FOXP1: variants seen among roughly 807,000 people sequenced by gnomAD.
FOXP1 encodes the protein forkhead box P1, also known as forkhead box protein P1.
Under a neutral mutation model 98.2 loss-of-function variants are expected in FOXP1, and 15 were observed. The observed-to-expected ratio is 0.15, with a 90% CI of 0.10 to 0.24. The LOEUF (loss-of-function observed/expected upper bound fraction) is 0.24, where lower values mean the gene tolerates loss of function less well. Ranked by LOEUF, FOXP1 falls within the 10% of genes least tolerant of loss-of-function variation. The pLI is 1.00. For missense variants in FOXP1, 633 were observed against 848.5 expected (o/e 0.75, Z 3.15); for synonymous variants, 371 against 314.5 (o/e 1.18, Z -1.90).
chr3:70,965,824 C>T, intron 20 of FOXP1, 66 bp downstream of exon 20: 2 of 1,499,902 alleles, frequency 1.3e-6, no homozygotes, highest in Admixed American at 1.7e-5. Context: ...AAAGGGCTGT[C>T]TCCCTGCGTG....
intron 2 of FOXP1, among the ~76,000 whole-genome samples, chr3:71,556,816 G>A (rs979357238): frequency 4.6e-5 from 7 of 151,838 alleles, no homozygotes; most frequent in Non-Finnish European, 1.0e-4. Flanking sequence ...AATCATCAGA[G>A]ATGCTAATAA....
intron 7 of FOXP1, among the ~76,000 whole-genome samples, chr3:71,075,483 T>C (rs778378771): frequency 2.2e-4 from 34 of 152,230 alleles, no homozygotes; most frequent in Non-Finnish European, 4.7e-4. Context: ...CACTCCAAAA[T>C]TTAACTCAGC....
intron 3 of FOXP1, among the ~76,000 whole-genome samples, chr3:71,484,757 T>C (rs1392096699): frequency 2.0e-5 from 3 of 152,062 alleles, no homozygotes; most frequent in Admixed American, 1.3e-4. Flanking sequence ...TGTGTCTCAG[T>C]GTGGGCCCGA....
intron 7 of FOXP1, among the ~76,000 whole-genome samples, chr3:71,108,254 C>T (rs1339596309): frequency 1.3e-5 from 2 of 152,170 alleles, no homozygotes; most frequent in Non-Finnish European, 2.9e-5. Context: ...AGTTTATGTA[C>T]TCGTGCCAAC....
At chr3:71,264,981 G>A (rs775650895) in intron 5 of FOXP1, among the ~76,000 whole-genome samples, 21 of 152,162 alleles carry the variant, frequency 1.4e-4, no homozygotes, top group Admixed American at 3.3e-4. Context: ...GAAAGGTGCT[G>A]AGCTGGAATG....
At chr3:71,167,766 T>C (rs761228102) in intron 6 of FOXP1, among the ~76,000 whole-genome samples, 22 of 152,242 alleles carry the variant, frequency 1.4e-4, no homozygotes, top group Non-Finnish European at 3.1e-4. Flanking sequence ...AAATCTTTAA[T>C]GGGAGCCTCT....
At position 71,364,622 on chromosome 3, in the gene FOXP1, A is replaced by G. The variant is rs553806247; in HGVS notation, c.-167-5378T>C. Among the ~76,000 whole-genome samples the G allele has an allele frequency of 5.3e-5, 8 of 152,344 alleles. No individual in the cohort carries two copies. In the East Asian group the frequency reaches 1.5e-3, roughly 29 times the overall value. ...CAGTTTTGTCTGCTGCTATTATAAA[A>G]GAAAAAATCCTATCACATCCTTCAA... On this transcript the variant is annotated intron_variant, in intron 3 of 20. Coordinates refer to ENST00000649528, the MANE Select transcript of FOXP1 (RefSeq NM_001349338.3).
intron 4 of FOXP1, among the ~76,000 whole-genome samples, chr3:71,327,513 G>A (rs2075987836): frequency 6.8e-6 from 1 of 147,824 alleles, no homozygotes; most frequent in Admixed American, 6.8e-5. Flanking sequence ...TTAGCCTCCC[G>A]AGTAGCTGGG....
chr3:70,959,746 G>T (rs1367208273), intron 20 of FOXP1, among the ~76,000 whole-genome samples: 1 of 152,030 alleles, frequency 6.6e-6, no homozygotes, highest in African/African-American at 2.4e-5. Flanking sequence ...TCTCCTCCCT[G>T]GTGGCATTTC....
intron 5 of FOXP1, among the ~76,000 whole-genome samples, chr3:71,262,570 G>C (rs548102377): frequency 6.6e-6 from 1 of 152,108 alleles, no homozygotes; most frequent in Non-Finnish European, 1.5e-5. Flanking sequence ...ATTAATCACT[G>C]TCTCTTTTAA....
chr3:71,122,564 C>T (rs1267724095), intron 6 of FOXP1, among the ~76,000 whole-genome samples: 1 of 152,170 alleles, frequency 6.6e-6, no homozygotes, highest in African/African-American at 2.4e-5. Flanking sequence ...CATAACTTCC[C>T]TACATTTAAG....
chr3:70,978,519 T>C (rs2038089081), intron 14 of FOXP1, among the ~76,000 whole-genome samples: 1 of 152,180 alleles, frequency 6.6e-6, no homozygotes, highest in Non-Finnish European at 1.5e-5. Context: ...AGAGCTGTTT[T>C]TACTTGATTT....
intron 3 of FOXP1, among the ~76,000 whole-genome samples, chr3:71,472,444 T>C (rs1577699371): frequency 6.6e-6 from 1 of 152,042 alleles, no homozygotes; most frequent in African/African-American, 2.4e-5. Flanking sequence ...ACTTTTCCTT[T>C]TTTTTTTTCT....
At chr3:71,127,440 G>C (rs1029221989) in intron 6 of FOXP1, among the ~76,000 whole-genome samples, 2 of 152,016 alleles carry the variant, frequency 1.3e-5, no homozygotes, top group Admixed American at 6.6e-5. Flanking sequence ...AGCCCATGCT[G>C]TATCTTTAAA....
At chr3:70,986,693 C>A (rs2039790195) in intron 14 of FOXP1, among the ~76,000 whole-genome samples, 1 of 152,002 alleles carries the variant, frequency 6.6e-6, no homozygotes, top group Admixed American at 6.6e-5. Context: ...TGACCTGGTT[C>A]TTTTTTTTCC....
chr3:71,021,061 T>C (rs562780520), intron 11 of FOXP1, among the ~76,000 whole-genome samples: 3 of 152,366 alleles, frequency 2.0e-5, no homozygotes, highest in South Asian at 2.1e-4. Context: ...AGTTATAGTT[T>C]ACATATCATA....
At chr3:71,580,281 T>C (rs765443911) in intron 2 of FOXP1, among the ~76,000 whole-genome samples, 1 of 151,976 alleles carries the variant, frequency 6.6e-6, no homozygotes, top group African/African-American at 2.4e-5. Flanking sequence ...GTTAAACCTT[T>C]TTTTTTCCCT....
intron 3 of FOXP1, among the ~76,000 whole-genome samples, chr3:71,418,965 G>A (rs1430108766): frequency 6.7e-6 from 1 of 148,768 alleles, no homozygotes; most frequent in Admixed American, 6.7e-5. Flanking sequence ...CGGGTGCAGT[G>A]GCTCACACCT....
chr3:71,527,740 A>T (rs988525628), intron 2 of FOXP1, among the ~76,000 whole-genome samples: 1 of 152,220 alleles, frequency 6.6e-6, no homozygotes, highest in Non-Finnish European at 1.5e-5. Context: ...GAGAAAAAAA[A>T]TATATGTTTG....
Sources: allele counts gnomAD v4.1 joint callset (sites outside exome capture counted in the v4.1 genomes callset), GRCh38; gene constraint gnomAD v4.1.1; transcripts MANE v1.5; gene names NCBI Gene and HGNC (gene_info 2026-07-23, HGNC 2026-07-21).